Variants in AK8 observed in about 807,000 individuals in gnomAD.
AK8 encodes adenylate kinase 8, also known as ATP-AMP transphosphorylase 8.
In AK8, 44 loss-of-function variants were observed where a neutral mutation model predicts 54.6. The observed-to-expected ratio is 0.81, with a 90% CI of 0.63 to 1.04. AK8 has a LOEUF of 1.04. AK8 is among the 50% of genes least tolerant of loss of function. The pLI is 0.00. For missense variants in AK8, 555 were observed against 613.6 expected, an observed-to-expected ratio of 0.90 and a Z score of 1.01; for synonymous variants, 239 against 245.6, an observed-to-expected ratio of 0.97 and a Z score of 0.25.
At chr9:132,813,047 C>T (rs1841144498) in intron 10 of AK8, among the ~76,000 whole-genome samples, 2 of 141,380 alleles carry the variant, frequency 1.4e-5, no homozygotes, top group Admixed American at 7.0e-5. Context: ...CTGTGGCCAC[C>T]GCAGACACCC....
chr9:132,878,392 T>G (rs2131468177), upstream of AK8: 1 of 1,243,306 alleles, frequency 8.0e-7, no homozygotes, highest in Non-Finnish European at 1.0e-6. The surrounding 1 kb of genome is among the most constrained non-coding windows in gnomAD (Gnocchi z 4.7). Context: ...GTCGCGCGGG[T>G]CGCCCCCGCC....
chr9:132,827,096 G>T (rs1460531872), intron 7 of AK8, 42 bp from the exon 8 acceptor site: 1 of 1,594,438 alleles, frequency 6.3e-7, no homozygotes, highest in Non-Finnish European at 8.6e-7. Context: ...GCCATGCAGG[G>T]GCCCTGTGGG....
chr9:132,852,544 A>T lies in AK8; in HGVS notation c.402+2313T>A, dbSNP rs190004034. Among the ~76,000 whole-genome samples the T allele has an allele frequency of 9.8e-4, 148 of 151,094 alleles. 4 individuals are homozygous for T. The East Asian group carries it at 0.024, about 25-fold the overall frequency. ...AGAATAGCTTGAACCTGGGAAGCGG[A>T]GGTTGCAGTGAGCTGAGATCGCACC... On this transcript the variant is annotated intron_variant, in intron 5 of 12. Transcript: ENST00000298545.
intron 5 of AK8, among the ~76,000 whole-genome samples, chr9:132,840,342 G>A (rs894117910): frequency 4.6e-5 from 7 of 151,774 alleles, no homozygotes; most frequent in South Asian, 2.1e-4. Context: ...TTACGCTCGC[G>A]TTTGGCAACA....
At chr9:132,756,089 G>T (rs574620049) in intron 11 of AK8, among the ~76,000 whole-genome samples, 18 of 152,268 alleles carry the variant, frequency 1.2e-4, no homozygotes, top group African/African-American at 4.1e-4. Context: ...TTAAAATGAG[G>T]TGTATTCCTC....
chr9:132,741,945 C>T (rs921088115), intron 11 of AK8, among the ~76,000 whole-genome samples: 6 of 152,140 alleles, frequency 3.9e-5, no homozygotes, highest in African/African-American at 1.4e-4. Flanking sequence ...ACAAGATTGT[C>T]TTAAGGATTA....
At chr9:132,820,144 GAAA>G (rs35984099) in intron 9 of AK8, among the ~76,000 whole-genome samples, 34 of 72,708 alleles carry the variant, frequency 4.7e-4, no homozygotes, top group Non-Finnish European at 5.1e-4. Flanking sequence ...AGTAAGACCC[GAAA>G]AAAAAAAAAA....
chr9:132,845,649 C>T (rs1842721383), intron 5 of AK8, among the ~76,000 whole-genome samples: 1 of 152,016 alleles, frequency 6.6e-6, no homozygotes, highest in Non-Finnish European at 1.5e-5. Flanking sequence ...GGCATGGTGG[C>T]ATGTGCCTGT....
chr9:132,819,633 C>T (rs190788151), intron 9 of AK8, among the ~76,000 whole-genome samples: 10 of 152,202 alleles, frequency 6.6e-5, no homozygotes, highest in East Asian at 3.9e-4. Flanking sequence ...AGGACATAGA[C>T]GAATTTCAAA....
In AK8 at chr9:132,791,255, C is replaced by T. The variant is rs1310394571; in HGVS notation, c.1121+1379G>A. Among the ~76,000 whole-genome samples the T allele has an allele frequency of 6.6e-6, 1 of 152,060 alleles. No homozygotes were observed. The highest frequency in any genetic ancestry group is 1.5e-5 in the Non-Finnish European group (1 of 68,008). ...CAGAGAGAGAGCAAAGGGGGAGGTG[C>T]CACACTTTAAAACCATCAGATCTCG... On this transcript the variant is annotated intron_variant, in intron 11 of 12. Transcript: ENST00000298545. The surrounding 1 kb of genome is among the most constrained non-coding windows in gnomAD (Gnocchi z 4.0).
At chr9:132,858,339 C>T (rs1843258231) in intron 4 of AK8, among the ~76,000 whole-genome samples, 1 of 152,246 alleles carries the variant, frequency 6.6e-6, no homozygotes, top group African/African-American at 2.4e-5. Flanking sequence ...AGGTGCCAAC[C>T]CTGGCTCTGC....
chr9:132,854,272 A>G (rs1378182403), intron 5 of AK8, among the ~76,000 whole-genome samples: 1 of 152,220 alleles, frequency 6.6e-6, no homozygotes, highest in African/African-American at 2.4e-5. Context: ...ACATGACCCA[A>G]TAGGGTTCCT....
intron 12 of AK8, 43 bp from the exon 13 acceptor site, chr9:132,725,968 G>A (rs576472974): frequency 1.1e-5 from 17 of 1,571,524 alleles, no homozygotes; most frequent in Admixed American, 5.2e-5. Context: ...GGCCTGGCCT[G>A]GAAGCAGGGG....
intron 11 of AK8, among the ~76,000 whole-genome samples, chr9:132,775,348 G>A (rs1839165793): frequency 6.6e-6 from 1 of 152,048 alleles, no homozygotes; most frequent in Non-Finnish European, 1.5e-5. Flanking sequence ...TATCACCCAT[G>A]CTGGAGTGCA....
At chr9:132,869,744 C>T (rs1307109800) in intron 2 of AK8, among the ~76,000 whole-genome samples, 5 of 152,200 alleles carry the variant, frequency 3.3e-5, no homozygotes, top group Non-Finnish European at 5.9e-5. Context: ...GCATTGAGGA[C>T]ACATGGTCAG....
At chr9:132,878,361 G>C (rs1280862262), upstream of AK8, 7 of 1,254,154 alleles carry the variant, frequency 5.6e-6, no homozygotes, top group African/African-American at 1.6e-5. This position sits in a 1 kb window ranked among gnomAD's most constrained non-coding sequence, Gnocchi z 4.7. Context: ...CTCCGCGCCG[G>C]GCCCAGATAC....
chr9:132,786,559 C>G (rs188977059), intron 11 of AK8, among the ~76,000 whole-genome samples: 89 of 152,180 alleles, frequency 5.8e-4, no homozygotes, highest in Non-Finnish European at 1.2e-3. Flanking sequence ...CGGAGCAGCC[C>G]AGAGGAAAAG....
rs1302075666 is a variant in AK8 at position 132,750,546 on chromosome 9, C to A, written c.1122-23012G>T. On this transcript the variant is annotated intron_variant, in intron 11 of 12. Coordinates refer to ENST00000298545, the MANE Select transcript of AK8 (RefSeq NM_152572.3). ...CCTGAATATTCCAACTCTGGGACAT[C>A]CCCTCTGAGCTTTCATTCCAGGAAA... Among the ~76,000 whole-genome samples the A allele has an allele frequency of 2.6e-5, 4 of 152,006 alleles. 1 individual carries two copies. Among genetic ancestry groups the A allele is most frequent in the Non-Finnish European group, 5.9e-5 (4 of 67,948 alleles).
chr9:132,800,497 G>T (rs1299237696), intron 10 of AK8, among the ~76,000 whole-genome samples: 1 of 152,144 alleles, frequency 6.6e-6, no homozygotes, highest in Non-Finnish European at 1.5e-5. Context: ...TTGCTCTTTG[G>T]TAAACTCAAG....
Sources: allele counts gnomAD v4.1 joint callset (sites outside exome capture counted in the v4.1 genomes callset), GRCh38; gene constraint gnomAD v4.1.1; non-coding constraint Gnocchi (gnomAD v3.1); transcripts MANE v1.5; gene names NCBI Gene and HGNC (gene_info 2026-07-23, HGNC 2026-07-21).